The following EYS variants were observed in gnomAD, a reference collection of about 807,000 sequenced individuals.
The protein encoded by EYS is EGF-like photoreceptor maintenance factor, also known as protein eyes shut homolog.
In EYS, 250 loss-of-function variants were observed where a neutral mutation model predicts 282.1. The ratio of observed to expected loss-of-function variants is 0.89; its 90% CI spans 0.80 to 0.98. EYS has a LOEUF of 0.98. Ranked by LOEUF, EYS falls within the 50% of genes least tolerant of loss-of-function variation. EYS has a pLI of 0.00. For synonymous variants in EYS, 1,355 were observed against 1,282.9 expected, an observed-to-expected ratio of 1.06 and a Z score of -1.20; for missense variants, 4,016 against 3,709.0, an observed-to-expected ratio of 1.08 and a Z score of -2.15.
At chr6:64,875,233 G>A (rs1204061953) in intron 19 of EYS, among the ~76,000 whole-genome samples, 1 of 152,102 alleles carries the variant, frequency 6.6e-6, no homozygotes, top group African/African-American at 2.4e-5. Flanking sequence ...ATTTGTGTGT[G>A]TGTGTGTGCT....
chr6:64,629,423 A>C (rs1767710980), intron 22 of EYS, among the ~76,000 whole-genome samples: 1 of 152,092 alleles, frequency 6.6e-6, no homozygotes, highest in Non-Finnish European at 1.5e-5. Flanking sequence ...CTTTTCTGGA[A>C]TTTTGAGTGA....
chr6:65,206,517 C>A (rs1339762990), intron 12 of EYS, among the ~76,000 whole-genome samples: 1 of 151,854 alleles, frequency 6.6e-6, no homozygotes, highest in East Asian at 1.9e-4. Context: ...AGGGATTCCT[C>A]CCTAACTCAT....
intron 35 of EYS, among the ~76,000 whole-genome samples, chr6:63,979,291 T>C (rs1222998744): frequency 6.6e-6 from 1 of 151,914 alleles, no homozygotes; most frequent in African/African-American, 2.4e-5. Context: ...AGGCTGATAT[T>C]TGCTATCTGG....
At chr6:65,410,697 A>G (rs1766956407) in intron 5 of EYS, among the ~76,000 whole-genome samples, 1 of 149,148 alleles carries the variant, frequency 6.7e-6, no homozygotes, top group Admixed American at 6.8e-5. Context: ...AACATGATGT[A>G]TATCTCCAAA....
In EYS at chr6:65,389,977, G is replaced by A. The variant is rs112369552; in HGVS notation, c.1185-5477C>T. ...GGAATGTCAATGTAGTCATATAATT[G>A]GAGGTCCTGTTGCTTTTTTAAAAAT... On this transcript the variant is annotated intron_variant, in intron 7 of 42. Transcript: ENST00000503581. Among the ~76,000 whole-genome samples, 420 of 152,074 alleles carry A rather than the reference G, an allele frequency of 2.8e-3. 4 individuals are homozygous for A. The highest frequency in any genetic ancestry group is 9.8e-3 in the African/African-American group (405 of 41,506).
In EYS at chr6:64,436,896, G is replaced by T. The variant is rs529964649; in HGVS notation, c.5836-631C>A. ...GCAAGCATGTGCCTACAGGTATATG[G>T]ATTATATTGTGTCTATTCTTTCCCA... On this transcript the variant is annotated intron_variant, in intron 27 of 42. Transcript: ENST00000503581. 7.2e-5 allele frequency among the ~76,000 whole-genome samples: 11 copies of T among 151,818 alleles called. 1 individual carries two copies. The South Asian group carries it at 2.1e-3, about 29-fold the overall frequency.
intron 35 of EYS, among the ~76,000 whole-genome samples, chr6:63,872,539 T>C (rs563988474): frequency 2.3e-4 from 34 of 144,872 alleles, no homozygotes; most frequent in Admixed American, 5.1e-4. Flanking sequence ...AGTGCAGTGG[T>C]GTGAATTCGG....
chr6:65,650,521 T>A (rs1466288495), intron 1 of EYS, among the ~76,000 whole-genome samples: 1 of 152,202 alleles, frequency 6.6e-6, no homozygotes, highest in African/African-American at 2.4e-5. Flanking sequence ...AATGGTTATT[T>A]CAGAATACTT....
intron 26 of EYS, among the ~76,000 whole-genome samples, chr6:64,574,274 TG>T (rs1765814201): frequency 6.6e-6 from 1 of 151,848 alleles, no homozygotes; most frequent in Non-Finnish European, 1.5e-5. Context: ...CAGGGCCTAT[TG>T]GTGGGTGGGG....
intron 14 of EYS, among the ~76,000 whole-genome samples, chr6:64,989,602 T>C (rs1770989355): frequency 7.0e-6 from 1 of 142,608 alleles, no homozygotes; most frequent in South Asian, 2.1e-4. Flanking sequence ...ATTATTTAAT[T>C]TAAATTAAAT....
intron 12 of EYS, among the ~76,000 whole-genome samples, chr6:65,068,701 G>A (rs893969374): frequency 6.6e-6 from 1 of 151,882 alleles, no homozygotes; most frequent in Non-Finnish European, 1.5e-5. Flanking sequence ...CTTCAAGAAG[G>A]CTTGTAAGTA....
intron 29 of EYS, among the ~76,000 whole-genome samples, chr6:64,323,823 CGTG>C (rs1388571755): frequency 1.3e-5 from 2 of 151,922 alleles, no homozygotes; most frequent in Non-Finnish European, 2.9e-5. Flanking sequence ...CAGTAGATGC[CGTG>C]GTATCCATCC....
chr6:64,196,992 C>A (rs964405858), intron 31 of EYS, among the ~76,000 whole-genome samples: 2 of 149,576 alleles, frequency 1.3e-5, no homozygotes, highest in African/African-American at 4.9e-5. Flanking sequence ...TTTTTTTTTG[C>A]AAGTTTTAAG....
intron 12 of EYS, among the ~76,000 whole-genome samples, chr6:65,181,701 TTACTGGG>T (rs1765389455): frequency 6.6e-6 from 1 of 152,114 alleles, no homozygotes; most frequent in African/African-American, 2.4e-5. Flanking sequence ...AGCCATCCCA[TTACTGGG>T]TATATACCCA....
intron 12 of EYS, among the ~76,000 whole-genome samples, chr6:65,113,070 T>G (rs6909639): frequency 0.025 from 3,862 of 152,160 alleles, 176 homozygotes; most frequent in African/African-American, 0.089. Context: ...TTATAAGATT[T>G]AAAAATGTCA....
chr6:64,880,865 C>T (rs9342448), intron 19 of EYS, among the ~76,000 whole-genome samples: 23,164 of 150,124 alleles, frequency 0.15, 2,090 homozygotes, highest in East Asian at 0.48. Flanking sequence ...TCTATACACA[C>T]GCTCTAGTAT....
At chr6:64,690,131 GA>G (rs1290921228) in intron 22 of EYS, among the ~76,000 whole-genome samples, 1 of 151,548 alleles carries the variant, frequency 6.6e-6, no homozygotes, top group East Asian at 1.9e-4. Context: ...AAATTTACAA[GA>G]AAAAAACAAA....
chr6:64,757,103 T>C (rs1772964929), intron 22 of EYS, among the ~76,000 whole-genome samples: 1 of 152,170 alleles, frequency 6.6e-6, no homozygotes. Context: ...TTACCTGTCT[T>C]CAATATATTT....
chr6:64,945,545 T>G (rs536810690), intron 15 of EYS, among the ~76,000 whole-genome samples: 1 of 152,076 alleles, frequency 6.6e-6, no homozygotes, highest in East Asian at 1.9e-4. Context: ...GTAAATGCAT[T>G]TGTATCATTA....
Sources: allele counts gnomAD v4.1 joint callset (sites outside exome capture counted in the v4.1 genomes callset), GRCh38; gene constraint gnomAD v4.1.1; transcripts MANE v1.5; gene names NCBI Gene and HGNC (gene_info 2026-07-23, HGNC 2026-07-21).